The following PCDHGA2 variants were observed in gnomAD, a reference collection of about 807,000 sequenced individuals.
The protein encoded by PCDHGA2 is protocadherin gamma-A2.
PCDHGA2 carries 40 observed loss-of-function variants against 59.2 expected under a neutral mutation model. That is an observed-to-expected ratio of 0.68 (90% CI 0.52 to 0.88). The LOEUF is 0.88. PCDHGA2 is among the 40% of genes least tolerant of loss of function. The probability of loss-of-function intolerance (pLI) is 0.00; values close to 1 mark genes in which losing one functional copy is unlikely to be tolerated. For missense variants in PCDHGA2, 1,226 were observed against 1,204.0 expected, an observed-to-expected ratio of 1.02 and a Z score of -0.27; for synonymous variants, 560 against 526.0, an observed-to-expected ratio of 1.06 and a Z score of -0.89.
At chr5:141,381,989 C>G (rs1013941230) in intron 1 of PCDHGA2, among the ~76,000 whole-genome samples, 13 of 151,916 alleles carry the variant, frequency 8.6e-5, no homozygotes, top group Admixed American at 7.2e-4. Flanking sequence ...GCCACCACGC[C>G]CGGATAATTT....
chr5:141,367,493 C>G (rs1262243719), intron 1 of PCDHGA2: 1 of 151,842 alleles, frequency 6.6e-6, no homozygotes, highest in Non-Finnish European at 1.5e-5. Context: ...GCCGAGATCG[C>G]GCCACTGCAC....
At chr5:141,417,452 C>A in intron 1 of PCDHGA2, 1 of 173,536 alleles carries the variant, frequency 5.8e-6, no homozygotes, top group Non-Finnish European at 1.2e-5. Flanking sequence ...ATAGTTATGA[C>A]CAAGTGGAAA....
At chr5:141,500,789 C>G (rs1006758925) in intron 2 of PCDHGA2, among the ~76,000 whole-genome samples, 2 of 152,142 alleles carry the variant, frequency 1.3e-5, no homozygotes, top group African/African-American at 4.8e-5. Flanking sequence ...TATTATTTTA[C>G]AGAATAAGTC....
chr5:141,349,438 C>T (rs1399132249), intron 1 of PCDHGA2, among the ~76,000 whole-genome samples: 1 of 151,980 alleles, frequency 6.6e-6, no homozygotes, highest in Non-Finnish European at 1.5e-5. Context: ...TATGAGATTC[C>T]ACTTCATAAA....
chr5:141,398,087 G>T (rs1377881034), intron 1 of PCDHGA2: 1 of 1,599,430 alleles, frequency 6.3e-7, no homozygotes, highest in African/African-American at 1.3e-5. Flanking sequence ...TTGTAACCTG[G>T]CGTCTCCAGG....
At position 141,430,860 on chromosome 5, in the gene PCDHGA2, C is replaced by G. The variant is rs773955533; in HGVS notation, c.2425-63947C>G. ...ACCGGATGCACCCAGATACGCTATTCAGTTCCGGAAGAGCTGGAGAAAGGC... is the reference window on the plus strand; with the variant it reads ...ACCGGATGCACCCAGATACGCTATTGAGTTCCGGAAGAGCTGGAGAAAGGC... On this transcript the variant is annotated intron_variant, in intron 1 of 3. Transcript: ENST00000394576. 4 of 1,592,382 alleles carry G rather than the reference C, an allele frequency of 2.5e-6. No individual in the cohort carries two copies. In the South Asian group the frequency reaches 4.6e-5, roughly 18 times the overall value.
At chr5:141,496,076 C>A (rs2099765713) in intron 2 of PCDHGA2, among the ~76,000 whole-genome samples, 1 of 152,010 alleles carries the variant, frequency 6.6e-6, no homozygotes, top group Non-Finnish European at 1.5e-5. Context: ...GCACACACAA[C>A]CCCCCACCCA....
At chr5:141,393,709 G>A (rs941272065) in intron 1 of PCDHGA2, 14 of 1,613,826 alleles carry the variant, frequency 8.7e-6, no homozygotes, top group Non-Finnish European at 9.3e-6. Context: ...GAAAATACTG[G>A]GGAAATATCA....
At chr5:141,383,468 A>C in intron 1 of PCDHGA2, 1 of 1,613,774 alleles carries the variant, frequency 6.2e-7, no homozygotes, top group Non-Finnish European at 8.5e-7. Context: ...GATGAAACTA[A>C]GTACCCGGAA....
chr5:141,504,206 A>C (rs1209911822), intron 2 of PCDHGA2, among the ~76,000 whole-genome samples: 1 of 152,218 alleles, frequency 6.6e-6, no homozygotes, highest in East Asian at 1.9e-4. Context: ...CTGTGGGAAA[A>C]TTCCAAGTAG....
At chr5:141,355,018 A>T in intron 1 of PCDHGA2, 1 of 878,880 alleles carries the variant, frequency 1.1e-6, no homozygotes, top group Non-Finnish European at 1.6e-6. Flanking sequence ...CAGAAATTTA[A>T]TCAGAATCAC....
intron 1 of PCDHGA2, chr5:141,408,084 G>A (rs564149257): frequency 7.5e-5 from 106 of 1,418,874 alleles, no homozygotes; most frequent in Middle Eastern, 2.5e-4. Context: ...CCAGCACAGC[G>A]GATTGCCAGC....
intron 1 of PCDHGA2, among the ~76,000 whole-genome samples, chr5:141,462,550 A>G (rs1485478117): frequency 6.6e-6 from 1 of 151,942 alleles, no homozygotes; most frequent in East Asian, 1.9e-4. Flanking sequence ...TTTCTTCTTC[A>G]GTGTTTACTG....
chr5:141,460,681 A>G (rs2098995379), intron 1 of PCDHGA2, among the ~76,000 whole-genome samples: 1 of 152,134 alleles, frequency 6.6e-6, no homozygotes, highest in African/African-American at 2.4e-5. Context: ...ATATATCTAT[A>G]TATCCACCAA....
At chr5:141,346,161 G>T (rs745349592) in intron 1 of PCDHGA2, 4 of 1,613,908 alleles carry the variant, frequency 2.5e-6, no homozygotes, top group African/African-American at 1.3e-5. Flanking sequence ...CTTCGTCATC[G>T]TGCTGCTGGC....
intron 1 of PCDHGA2, chr5:141,398,592 A>G: frequency 6.2e-7 from 1 of 1,614,068 alleles, no homozygotes; most frequent in South Asian, 1.1e-5. Flanking sequence ...TTATACTAGA[A>G]GTAGCAGAAG....
Position 141,364,330 on chromosome 5 carries a change from A to C in PCDHGA2, c.2424+22935A>C, listed in dbSNP as rs765774882. The C allele has an allele frequency of 8.9e-5, 137 of 1,531,760 alleles. 1 individual carries two copies. The highest frequency in any genetic ancestry group is 7.0e-6 in the Non-Finnish European group (8 of 1,143,452). The allele number at this position is 1,531,760 out of a possible 1,614,324, so 94.9% of individuals were successfully genotyped here. On this transcript the variant is annotated intron_variant, in intron 1 of 3. Transcript: ENST00000394576. ...AGAGAAAATTGGGCAGAGAGAAGGC[A>C]ATGGCGAGTCCACCTAGGGGCTGGG...
In PCDHGA2 at chr5:141,491,623, G is replaced by C; in HGVS notation, c.2425-3184G>C. On this transcript the variant is annotated intron_variant, in intron 1 of 3. Coordinates refer to ENST00000394576, the MANE Select transcript of PCDHGA2 (RefSeq NM_018915.4). The surrounding 1 kb of genome is among the most constrained non-coding windows in gnomAD (Gnocchi z 6.9). ...CTTCACTTTTCTAAGACCCCTCAGC[G>C]TTCAGCAGCCCACAGCTCTGGCGCT... 1 of 1,613,930 alleles carries C rather than the reference G, an allele frequency of 6.2e-7. No individual in the cohort carries two copies. Among genetic ancestry groups the C allele is most frequent in the Non-Finnish European group, 8.5e-7 (1 of 1,180,020 alleles).
Position 141,430,658 on chromosome 5 carries a change from G to A in PCDHGA2, c.2425-64149G>A, listed in dbSNP as rs1350572230. ...CCTGGGAGTATGTGGAAACAACGGA[G>A]GAGCTCTGACTTCCCAACTGTCCCA... On this transcript the variant is annotated intron_variant, in intron 1 of 3. Coordinates refer to ENST00000394576, the MANE Select transcript of PCDHGA2 (RefSeq NM_018915.4). The A allele has an allele frequency of 7.2e-6, 8 of 1,105,688 alleles. No individual in the cohort carries two copies. The African/African-American group carries it at 9.5e-5, about 13-fold the overall frequency. The allele number at this position is 1,105,688 out of a possible 1,614,324, so 68.5% of individuals were successfully genotyped here. A position where few individuals can be genotyped will look rare whatever the true frequency, so the allele number is the denominator to read the frequency against.
Sources: gnomAD v4.1 joint callset for allele counts (sites outside exome capture counted in the v4.1 genomes callset) on GRCh38, gnomAD v4.1.1 for gene constraint, Gnocchi (gnomAD v3.1) non-coding constraint, MANE v1.5 for transcripts, NCBI Gene and HGNC (gene_info 2026-07-23, HGNC 2026-07-21) for gene names.